Variants in EYA2 observed in about 807,000 individuals in gnomAD.
EYA2 encodes EYA transcriptional coactivator and phosphatase 2.
In EYA2, 31 loss-of-function variants were observed where a neutral mutation model predicts 69.2. That is an observed-to-expected ratio of 0.45 (90% confidence interval 0.34 to 0.60). The LOEUF (loss-of-function observed/expected upper bound fraction) is 0.60, where lower values mean the gene tolerates loss of function less well. Ranked by LOEUF, EYA2 falls within the 20% of genes least tolerant of loss-of-function variation. The pLI, the probability that EYA2 is intolerant of heterozygous loss-of-function variation, is 0.02. For missense variants in EYA2, 622 were observed against 701.2 expected, an observed-to-expected ratio of 0.89 and a Z score of 1.28; for synonymous variants, 257 against 279.4, an observed-to-expected ratio of 0.92 and a Z score of 0.80.
chr20:47,083,813 A>T (rs1461257951), intron 7 of EYA2, among the ~76,000 whole-genome samples: 1 of 152,246 alleles, frequency 6.6e-6, no homozygotes, highest in Non-Finnish European at 1.5e-5. Context: ...ACAAATTTAA[A>T]ACTGTTCAGA....
intron 5 of EYA2, chr20:47,071,905 A>C (rs1198535217): frequency 4.6e-6 from 2 of 435,666 alleles, no homozygotes; most frequent in Non-Finnish European, 8.5e-6. Context: ...CTTAGGGGTC[A>C]CGTGAGCCAT....
chr20:46,974,313 T>TA (rs1449480008), intron 1 of EYA2, among the ~76,000 whole-genome samples: 1 of 152,230 alleles, frequency 6.6e-6, no homozygotes, highest in Non-Finnish European at 1.5e-5. Flanking sequence ...CAGTTTCTCT[T>TA]ACCCATTTTC....
intron 1 of EYA2, among the ~76,000 whole-genome samples, chr20:46,905,193 CA>C (rs11475669): frequency 0.27 from 40,557 of 149,058 alleles, 5,746 homozygotes; most frequent in East Asian, 0.51. Flanking sequence ...TTAATCCTCT[CA>C]AAAAAAAAAA....
intron 9 of EYA2, among the ~76,000 whole-genome samples, chr20:47,116,228 A>G (rs1249572448): frequency 8.1e-6 from 1 of 124,074 alleles, no homozygotes; most frequent in African/African-American, 3.2e-5. Context: ...CCCAGGCTGG[A>G]GTGCAGTGGT....
At chr20:47,051,776 A>C (rs1008973546) in intron 5 of EYA2, among the ~76,000 whole-genome samples, 2 of 152,230 alleles carry the variant, frequency 1.3e-5, no homozygotes, top group African/African-American at 4.8e-5. Context: ...TGCTTAGGAC[A>C]GACTGGCACA....
intron 9 of EYA2, among the ~76,000 whole-genome samples, chr20:47,136,297 A>ACTTCCAAGAACCAACATACCATTTTC (rs377180558): frequency 0.017 from 2,657 of 152,160 alleles, 114 homozygotes; most frequent in East Asian, 0.17. Context: ...ACGTTTTGAA[A>ACTTCCAAGAACCAACATACCATTTTC]CTCATTCATG....
chr20:47,173,947 C>G (rs916682797), intron 12 of EYA2, among the ~76,000 whole-genome samples: 3 of 152,188 alleles, frequency 2.0e-5, no homozygotes, highest in African/African-American at 7.2e-5. Flanking sequence ...GCTTCAGGTA[C>G]TAGGAACATT....
Position 47,184,507 on chromosome 20 carries a change from T to C in EYA2, c.1536+1116T>C, listed in dbSNP as rs1863551934. Among the ~76,000 whole-genome samples, 3 of 149,306 alleles carry C rather than the reference T, an allele frequency of 2.0e-5. No individual in the cohort carries two copies. The Admixed American group carries it at 2.0e-4, about 10-fold the overall frequency. ...ATCTCAGCTTACTGCAGCCTCTACC[T>C]ACTGGACTCAAGCGATCTTCCCACT... On this transcript the variant is annotated intron_variant, in intron 15 of 15. Transcript: ENST00000327619.
chr20:47,161,335 C>A, intron 10 of EYA2: 1 of 482,726 alleles, frequency 2.1e-6, no homozygotes, highest in Non-Finnish European at 3.9e-6. Flanking sequence ...TTATAGTCAC[C>A]GATGACAATA....
intron 1 of EYA2, among the ~76,000 whole-genome samples, chr20:46,975,314 G>T (rs1236629171): frequency 6.6e-6 from 1 of 152,124 alleles, no homozygotes; most frequent in African/African-American, 2.4e-5. Context: ...TTGGGTGAAG[G>T]GTACTCAGGA....
intron 1 of EYA2, among the ~76,000 whole-genome samples, chr20:46,934,706 G>A (rs1025564884): frequency 6.6e-6 from 1 of 152,036 alleles, no homozygotes; most frequent in African/African-American, 2.4e-5. Context: ...TGTGCACTGG[G>A]TGGAAATTTA....
intron 5 of EYA2, among the ~76,000 whole-genome samples, chr20:47,036,708 CTTTA>C (rs1032360961): frequency 4.6e-5 from 7 of 152,198 alleles, no homozygotes; most frequent in African/African-American, 1.2e-4. Context: ...AAAGTTCTTG[CTTTA>C]TTTATTTCCT....
At chr20:46,956,205 C>T (rs1264732225) in intron 1 of EYA2, among the ~76,000 whole-genome samples, 8 of 152,322 alleles carry the variant, frequency 5.3e-5, no homozygotes, top group African/African-American at 1.4e-4. Context: ...TACATTACAC[C>T]TGCTTAGCAT....
At chr20:46,987,960 C>CTATATA (rs1568707084) in intron 1 of EYA2, among the ~76,000 whole-genome samples, 2 of 24,076 alleles carry the variant, frequency 8.3e-5, no homozygotes, top group Non-Finnish European at 1.5e-4. Context: ...CTCTCTCTCT[C>CTATATA]TCTCTATATA....
chr20:47,117,640 G>C, intron 9 of EYA2: 11 of 985,250 alleles, frequency 1.1e-5, no homozygotes, highest in Non-Finnish European at 1.3e-5. Context: ...AAACTGAGAA[G>C]AAATAAAAAG....
rs754850290 is a variant in EYA2 at position 46,907,636 on chromosome 20, C to T, written c.-11+12649C>T. Among the ~76,000 whole-genome samples the T allele has an allele frequency of 6.0e-4, 91 of 152,290 alleles. 1 individual carries two copies. The highest frequency in any genetic ancestry group is 5.1e-4 in the Non-Finnish European group (35 of 68,024). On this transcript the variant is annotated intron_variant, in intron 1 of 15. Transcript: ENST00000327619. ...GGCGGATTGCGTGAAGTCAGAAGTT[C>T]GAGACCAGCCTGGCCAACATGGTGA...
chr20:47,021,953 C>A (rs1172960985), intron 5 of EYA2, among the ~76,000 whole-genome samples: 1 of 152,042 alleles, frequency 6.6e-6, no homozygotes, highest in Non-Finnish European at 1.5e-5. Context: ...GATCTGTGTT[C>A]CACAGTTCTA....
At chr20:46,976,787 C>G (rs528132365) in intron 1 of EYA2, among the ~76,000 whole-genome samples, 1 of 149,168 alleles carries the variant, frequency 6.7e-6, no homozygotes, top group South Asian at 2.1e-4. Flanking sequence ...GGACTCACCG[C>G]TCTGAGGAGC....
intron 9 of EYA2, among the ~76,000 whole-genome samples, chr20:47,110,468 T>A (rs1484568315): frequency 6.6e-6 from 1 of 152,158 alleles, no homozygotes; most frequent in African/African-American, 2.4e-5. Flanking sequence ...CTCGAACTCC[T>A]GGGCTTAAAT....
Sources: gnomAD v4.1 joint callset for allele counts (sites outside exome capture counted in the v4.1 genomes callset) on GRCh38, gnomAD v4.1.1 for gene constraint, MANE v1.5 for transcripts, NCBI Gene and HGNC (gene_info 2026-07-23, HGNC 2026-07-21) for gene names.